Variants in DNAH12 observed in about 807,000 individuals in gnomAD.
DNAH12 encodes the protein dynein axonemal heavy chain 12.
DNAH12 carries 285 observed loss-of-function variants against 371.5 expected under a neutral mutation model. The ratio of observed to expected loss-of-function variants is 0.77; its 90% confidence interval spans 0.70 to 0.85. The LOEUF is 0.85. Among genes scored for constraint, DNAH12 ranks in the 40% least tolerant of loss-of-function variants. DNAH12 has a pLI of 0.00. For missense variants in DNAH12, 3,611 were observed against 3,689.4 expected (o/e 0.98, Z 0.55); for synonymous variants, 1,200 against 1,213.0 (o/e 0.99, Z 0.22).
rs112181197 is a variant in DNAH12 at position 57,314,430 on chromosome 3, A to G, written c.10662+64T>C. 2.1e-3 allele frequency: 3,186 copies of G among 1,540,758 alleles called. 48 individuals carry two copies. The African/African-American group carries it at 0.04, about 19-fold the overall frequency. On this transcript the variant is annotated intron_variant, in intron 66 of 73. Transcript: ENST00000495027. Reference sequence around the variant, plus strand: ...GAAGTGAATCAGCTATTCCAAGCAAAAGACTTGCCTAGGGCCTGATAAATA... The same window carrying G: ...GAAGTGAATCAGCTATTCCAAGCAAGAGACTTGCCTAGGGCCTGATAAATA...
chr3:57,429,782 C>A lies in DNAH12; in HGVS notation c.4981-8G>T. 1.3e-6 allele frequency: 2 copies of A among 1,495,306 alleles called. No individual in the cohort carries two copies. Among genetic ancestry groups the A allele is most frequent in the South Asian group, 1.4e-5 (1 of 71,648 alleles). The allele number at this position is 1,495,306 out of a possible 1,614,324, so 92.6% of individuals were successfully genotyped here. Reference sequence around the variant, plus strand: ...TCCACTCATAAGGCAAAGCTAAAAGCAATTATTTTTCAAATGTTTATTTTT... The same window carrying A: ...TCCACTCATAAGGCAAAGCTAAAAGAAATTATTTTTCAAATGTTTATTTTT... On this transcript the variant is annotated splice_region_variant and splice_polypyrimidine_tract_variant and intron_variant, in intron 32 of 73. Transcript: ENST00000495027.
chr3:57,516,053 CTTTTTTTTTTTTTT>C (rs11395278), intron 4 of DNAH12, among the ~76,000 whole-genome samples: 4 of 71,964 alleles, frequency 5.6e-5, no homozygotes, highest in African/African-American at 1.6e-4. Context: ...ACTGCTTAGT[CTTTTTTTTTTTTTT>C]TTTTTTTTTT....
At chr3:57,394,702 C>T (rs1458412749) in intron 43 of DNAH12, among the ~76,000 whole-genome samples, 1 of 152,222 alleles carries the variant, frequency 6.6e-6, no homozygotes, top group Non-Finnish European at 1.5e-5. Flanking sequence ...AACTGTTTGC[C>T]TCATGGTATG....
rs2063261538 is a variant in DNAH12 at position 57,375,376 on chromosome 3, C to T, written c.8754G>A (p.Arg2918=). 1 of 152,044 alleles carries T rather than the reference C, an allele frequency of 6.6e-6. No individual in the cohort carries two copies. Among genetic ancestry groups the T allele is most frequent in the Admixed American group, 6.6e-5 (1 of 15,256 alleles). The allele number at this position is 152,044 out of a possible 1,614,324, so 9.4% of individuals were successfully genotyped here. ...IDNGVIVNNC[R]RWPLMIDPQG... ...AAATAGTTTATATTTCTTACCAACGCCTACAGTTGTTAACGATCACTCCGT... is the reference window on the plus strand; with the variant it reads ...AAATAGTTTATATTTCTTACCAACGTCTACAGTTGTTAACGATCACTCCGT... The change falls in exon 55 of 74, where the codon AGG becomes AGA. Residue 2918 remains arginine, a synonymous_variant. Coordinates refer to ENST00000495027, the MANE Select transcript of DNAH12 (RefSeq NM_001366028.2).
At chr3:57,475,744 C>A (rs2066503158) in intron 13 of DNAH12, among the ~76,000 whole-genome samples, 1 of 152,148 alleles carries the variant, frequency 6.6e-6, no homozygotes, top group Non-Finnish European at 1.5e-5. Flanking sequence ...AATACCATAA[C>A]TTTCACCCAA....
At chr3:57,405,239 T>C in intron 41 of DNAH12, 92 bp from the exon 42 acceptor site, 1 of 1,159,518 alleles carries the variant, frequency 8.6e-7, no homozygotes, top group Non-Finnish European at 1.2e-6. Context: ...TGTTATAAAG[T>C]AATTAAGTTT....
chr3:57,427,138 A>ATGTGTGTGTGTGTGTGTGTGTG lies in DNAH12; in HGVS notation c.5253+1473_5253+1494dup, dbSNP rs71088070. ...ATATTTATTTATATGTAAGAAGCGA[A>ATGTGTGTGTGTGTGTGTGTGTG]TGTGTGTGTGTGTGTGTGTGTGTGT... On this transcript the variant is annotated intron_variant, in intron 34 of 73. Coordinates refer to ENST00000495027, the MANE Select transcript of DNAH12 (RefSeq NM_001366028.2). Among the ~76,000 whole-genome samples, 73 of 138,868 alleles carry ATGTGTGTGTGTGTGTGTGTGTG rather than the reference A, an allele frequency of 5.3e-4. 1 individual carries two copies. Among genetic ancestry groups the ATGTGTGTGTGTGTGTGTGTGTG allele is most frequent in the African/African-American group, 1.6e-3 (59 of 36,022 alleles). 91.1% of individuals were successfully genotyped at this position (138,868 alleles called of 152,430 possible). A position where few individuals can be genotyped will look rare whatever the true frequency, so the allele number is the denominator to read the frequency against.
At chr3:57,449,058 C>T (rs1420105819) in intron 25 of DNAH12, among the ~76,000 whole-genome samples, 1 of 118,802 alleles carries the variant, frequency 8.4e-6, no homozygotes, top group Non-Finnish European at 1.8e-5. Flanking sequence ...GGTGTGTTTA[C>T]AAACCTTGAG....
intron 8 of DNAH12, among the ~76,000 whole-genome samples, chr3:57,505,809 T>A (rs1250948040): frequency 6.6e-6 from 1 of 151,926 alleles, no homozygotes; most frequent in Non-Finnish European, 1.5e-5. Context: ...CAATCATAGT[T>A]CACAGCAGGC....
At chr3:57,553,299 G>A in the DNAH12 span, among the ~76,000 whole-genome samples, 1 of 152,134 alleles carries the variant, frequency 6.6e-6, no homozygotes, top group Non-Finnish European at 1.5e-5. Context: ...ATATCCCTTT[G>A]TCCTTCTCCA....
chr3:57,448,592 C>T lies in DNAH12; in HGVS notation c.3787-1903G>A, dbSNP rs144442010. Among the ~76,000 whole-genome samples the T allele has an allele frequency of 4.2e-3, 643 of 152,348 alleles. 7 individuals are homozygous for T. The highest frequency in any genetic ancestry group is 0.015 in the African/African-American group (624 of 41,580). On this transcript the variant is annotated intron_variant, in intron 25 of 73. Transcript: ENST00000495027. ...AAAAAGCAAAAGAACAAAGCTTCCA[C>T]AGCGTGGAATAGAACCCGACCATGT...
chr3:57,505,007 C>T (rs2067698832), intron 8 of DNAH12, among the ~76,000 whole-genome samples: 2 of 152,150 alleles, frequency 1.3e-5, no homozygotes, highest in Non-Finnish European at 2.9e-5. Context: ...CCCACCTCAG[C>T]CTCCTGAGTA....
upstream of DNAH12, among the ~76,000 whole-genome samples, chr3:57,545,291 G>T (rs567232465): frequency 2.0e-5 from 3 of 147,930 alleles, no homozygotes; most frequent in South Asian, 6.5e-4. Flanking sequence ...TTACAGGCAT[G>T]CATCACCAAA....
At chr3:57,489,424 A>C in intron 12 of DNAH12, 85 bp downstream of exon 12, 1 of 1,337,810 alleles carries the variant, frequency 7.5e-7, no homozygotes, top group Non-Finnish European at 9.8e-7. Flanking sequence ...ACATATTTTA[A>C]GCTTTTGTTT....
chr3:57,309,159 T>G lies in DNAH12; in HGVS notation c.11181A>C (p.Arg3727Ser), dbSNP rs972482143. Residue 3727 changes from arginine (R) to serine (S), a missense_variant, in exon 69 of 74, where the codon AGA becomes AGC. By Grantham distance (110) the Arg-to-Ser change is moderately radical. Around this residue, in one of 3 missense-constraint regions of DNAH12, gnomAD observed 2,266 missense variants for 2,236.9 expected, o/e 1.01. Coordinates refer to ENST00000495027, the MANE Select transcript of DNAH12 (RefSeq NM_001366028.2). The stretch of plus-strand genomic sequence containing the variant: ...GGGATATAGATCCTTACTTGTTAAA[T>G]CTTTCCATTTCTTGTACTAACACAG... ...MNTVLVQEME[R>S]FNNLIITIRN... is the part of the protein sequence containing the mutation. 6.5e-7 allele frequency: 1 copy of G among 1,542,114 alleles called. No individual in the cohort carries two copies. The highest frequency in any genetic ancestry group is 8.7e-7 in the Non-Finnish European group (1 of 1,143,198).
At chr3:57,307,250 C>CA (rs761372950) in intron 69 of DNAH12, among the ~76,000 whole-genome samples, 8 of 152,056 alleles carry the variant, frequency 5.3e-5, no homozygotes, top group Non-Finnish European at 8.8e-5. Flanking sequence ...CTGGTTTTGC[C>CA]AAAAAACATT....
intron 59 of DNAH12, among the ~76,000 whole-genome samples, chr3:57,353,389 C>G (rs2062727366): frequency 6.6e-6 from 1 of 151,944 alleles, no homozygotes; most frequent in Admixed American, 6.6e-5. Context: ...ACCTCCTGGG[C>G]TCAAGTAATC....
chr3:57,441,972 G>T (rs2065320066), intron 29 of DNAH12, among the ~76,000 whole-genome samples: 1 of 152,078 alleles, frequency 6.6e-6, no homozygotes, highest in African/African-American at 2.4e-5. Context: ...TAAGAAAAAT[G>T]CCTGACTTCT....
chr3:57,448,816 C>G (rs1195758385), intron 25 of DNAH12, among the ~76,000 whole-genome samples: 1 of 152,190 alleles, frequency 6.6e-6, no homozygotes, highest in Non-Finnish European at 1.5e-5. Context: ...CTCCAAAGCC[C>G]CACCAGAGTA....
Sources: allele counts gnomAD v4.1 joint callset (sites outside exome capture counted in the v4.1 genomes callset), GRCh38; gene constraint gnomAD v4.1.1; regional missense constraint gnomAD v4.1.1; transcripts MANE v1.5; gene names NCBI Gene and HGNC (gene_info 2026-07-23, HGNC 2026-07-21).